BSN: variants seen among roughly 807,000 people sequenced by gnomAD.
BSN encodes bassoon presynaptic cytomatrix protein, also known as protein bassoon.
BSN carries 57 observed loss-of-function variants against 264.8 expected under a neutral mutation model. The ratio of observed to expected loss-of-function variants is 0.22; its 90% CI spans 0.17 to 0.27. The LOEUF is 0.27. Among genes scored for constraint, BSN ranks in the 10% least tolerant of loss-of-function variants. The pLI is 1.00. For synonymous variants in BSN, 2,059 were observed against 2,137.3 expected (o/e 0.96, Z 1.01); for missense variants, 4,615 against 5,232.5 (o/e 0.88, Z 3.64).
chr3:49,642,950 A>G lies in BSN; in HGVS notation c.1316A>G (p.Lys439Arg). 6.2e-7 allele frequency: 1 copy of G among 1,614,112 alleles called. No homozygotes were observed. Among genetic ancestry groups the G allele is most frequent in the African/African-American group, 1.3e-5 (1 of 75,052 alleles). Residue 439 changes from lysine (K) to arginine (R), a missense_variant, in exon 3 of 12, where the codon AAG (lysine) becomes AGG (arginine). Around this residue, in one of 3 missense-constraint regions of BSN, gnomAD observed 1,197 missense variants for 1,348.0 expected, o/e 0.89. Coordinates refer to ENST00000296452, the MANE Select transcript of BSN (RefSeq NM_003458.4). This position sits in a 1 kb window ranked among gnomAD's most constrained non-coding sequence, Gnocchi z 7.0. ...LPKTGGTTSPKHGRAEHQAAS... is the reference protein window; with the variant it reads ...LPKTGGTTSPRHGRAEHQAAS... Reference sequence around the variant, plus strand: ...AAAACTGGGGGAACAACCAGTCCAAAGCATGGCAGAGCAGAACATCAGGCA... The same window carrying G: ...AAAACTGGGGGAACAACCAGTCCAAGGCATGGCAGAGCAGAACATCAGGCA...
chr3:49,556,365 G>A (rs1452808384), intron 1 of BSN, among the ~76,000 whole-genome samples: 1 of 152,218 alleles, frequency 6.6e-6, no homozygotes, highest in Non-Finnish European at 1.5e-5. Flanking sequence ...GGACCGGAAG[G>A]AGGCTGATGT....
At chr3:49,629,272 C>T (rs888287766) in intron 2 of BSN, among the ~76,000 whole-genome samples, 1 of 152,248 alleles carries the variant, frequency 6.6e-6, no homozygotes, top group Non-Finnish European at 1.5e-5. Context: ...CCTGCTAGTC[C>T]ACCTTTCCGT....
At chr3:49,575,450 GTATA>G (rs1235983447) in intron 1 of BSN, among the ~76,000 whole-genome samples, 2 of 146,014 alleles carry the variant, frequency 1.4e-5, no homozygotes, top group Non-Finnish European at 3.0e-5. Flanking sequence ...ATATATGTGT[GTATA>G]TATGTAAATA....
intron 1 of BSN, among the ~76,000 whole-genome samples, chr3:49,608,120 G>GAA (rs1177192350): frequency 3.3e-5 from 5 of 152,338 alleles, no homozygotes; most frequent in South Asian, 2.1e-4. Context: ...TCCACAGGGA[G>GAA]AATCTAGAAA....
chr3:49,569,784 A>C (rs2051782461), intron 1 of BSN, among the ~76,000 whole-genome samples: 1 of 152,188 alleles, frequency 6.6e-6, no homozygotes, highest in African/African-American at 2.4e-5. Context: ...AAAGTCTCTC[A>C]CTATAGGAAA....
intron 1 of BSN, among the ~76,000 whole-genome samples, chr3:49,609,095 T>C (rs2052182792): frequency 6.8e-6 from 1 of 146,484 alleles, no homozygotes; most frequent in African/African-American, 2.5e-5. Flanking sequence ...TTGACTTTTT[T>C]TTTTTTTTTT....
intron 2 of BSN, among the ~76,000 whole-genome samples, chr3:49,630,153 C>T (rs558566435): frequency 6.6e-6 from 1 of 152,364 alleles, no homozygotes; most frequent in South Asian, 2.1e-4. Context: ...GTCTCATTCC[C>T]TCTACTCCCT....
Position 49,660,558 on chromosome 3 carries a change from G to A in BSN, c.8713G>A (p.Ala2905Thr). Residue 2905 changes from alanine to threonine, a missense_variant, in exon 6 of 12, where the codon GCT becomes ACT. This residue lies in a region of BSN where 3,415 missense variants were observed against 3,866.4 expected (regional missense o/e 0.88). Coordinates refer to ENST00000296452, the MANE Select transcript of BSN (RefSeq NM_003458.4). The surrounding 1 kb of genome is among the most constrained non-coding windows in gnomAD (Gnocchi z 7.1). ...ACTGCCCAGCCCCCCTCCAGAGGAG[G>A]CTCACCTTCCCCTGGCTGGCCAGGC... ...RTLPSPPPEE[A>T]HLPLAGQASP... 1 of 1,597,348 alleles carries A rather than the reference G, an allele frequency of 6.3e-7. No homozygotes were observed. The highest frequency in any genetic ancestry group is 8.5e-7 in the Non-Finnish European group (1 of 1,170,170).
At chr3:49,558,827 C>T (rs1031073965) in intron 1 of BSN, among the ~76,000 whole-genome samples, 2 of 152,154 alleles carry the variant, frequency 1.3e-5, no homozygotes, top group Admixed American at 1.3e-4. Context: ...TTTGATAATA[C>T]AGTTGCTCAC....
intron 1 of BSN, among the ~76,000 whole-genome samples, chr3:49,588,078 C>A (rs570001589): frequency 6.6e-6 from 1 of 151,954 alleles, no homozygotes; most frequent in East Asian, 1.9e-4. Flanking sequence ...CCTGCTACCA[C>A]GCCCGGCTAA....
rs2052468558 is a variant in BSN at position 49,642,130 on chromosome 3, C to G, written c.634-138C>G. The G allele has an allele frequency of 4.7e-6, 3 of 641,098 alleles. No homozygotes were observed. Among genetic ancestry groups the G allele is most frequent in the Non-Finnish European group, 7.2e-6 (3 of 417,050 alleles). The allele number at this position is 641,098 out of a possible 1,614,324, so 39.7% of individuals were successfully genotyped here. A position where few individuals can be genotyped will look rare whatever the true frequency, so the allele number is the denominator to read the frequency against. ...GTCCTTCAGCCCTGCCACCTGGCAGCCCAGAAATGCCTGAGCAGGGCTTGG... is the reference window on the plus strand; with the variant it reads ...GTCCTTCAGCCCTGCCACCTGGCAGGCCAGAAATGCCTGAGCAGGGCTTGG... On this transcript the variant is annotated intron_variant, in intron 2 of 11. Coordinates refer to ENST00000296452, the MANE Select transcript of BSN (RefSeq NM_003458.4). This position sits in a 1 kb window ranked among gnomAD's most constrained non-coding sequence, Gnocchi z 7.0.
At chr3:49,597,716 C>T (rs530306719) in intron 1 of BSN, among the ~76,000 whole-genome samples, 34 of 152,114 alleles carry the variant, frequency 2.2e-4, no homozygotes, top group Non-Finnish European at 2.8e-4. Context: ...AATCTCGGCT[C>T]GCTGCAAACT....
At chr3:49,575,793 A>C (rs751595720) in intron 1 of BSN, among the ~76,000 whole-genome samples, 17 of 151,504 alleles carry the variant, frequency 1.1e-4, no homozygotes, top group South Asian at 8.3e-4. Context: ...CCTTGGGTCA[A>C]CTTCCACTGC....
chr3:49,655,750 C>T lies in BSN; in HGVS notation c.6194C>T (p.Ser2065Leu), dbSNP rs201009128. 1.1e-5 allele frequency: 17 copies of T among 1,613,374 alleles called. No homozygotes were observed. Among genetic ancestry groups the T allele is most frequent in the South Asian group, 2.2e-5 (2 of 91,090 alleles). Reference protein sequence around the residue: ...PLPMRRYSSVSNIYSDHRYGP... With the variant: ...PLPMRRYSSVLNIYSDHRYGP... ...CCCATGCGGCGCTATAGCTCAGTGT[C>T]GAACATCTACTCAGACCACAGGTAC... The change falls in exon 5 of 12, where the codon TCG becomes TTG. Residue 2065 changes from serine (S) to leucine (L), a missense_variant. Around this residue, in one of 3 missense-constraint regions of BSN, gnomAD observed 3,415 missense variants for 3,866.4 expected, o/e 0.88. Coordinates refer to ENST00000296452, the MANE Select transcript of BSN (RefSeq NM_003458.4).
rs746941235 is a variant in BSN, at chr3:49,654,577, C to G, written c.5021C>G (p.Pro1674Arg). ...GTAGACCTCCGTACAGCTGTCAAGCCCACTCCCATCATCCTCACTGACCAG... is the reference window on the plus strand; with the variant it reads ...GTAGACCTCCGTACAGCTGTCAAGCGCACTCCCATCATCCTCACTGACCAG... The part of the protein sequence containing the change: ...AVVDLRTAVK[P>R]TPIILTDQGM... Residue 1674 changes from proline to arginine, a missense_variant, in exon 5 of 12, where the codon CCC becomes CGC. By Grantham distance (103) the Pro-to-Arg change is moderately radical (BLOSUM62 -2). This residue lies in a region of BSN where 3,415 missense variants were observed against 3,866.4 expected (regional missense o/e 0.88). Transcript: ENST00000296452. The surrounding 1 kb of genome is among the most constrained non-coding windows in gnomAD (Gnocchi z 4.1). 1.1e-5 allele frequency: 18 copies of G among 1,611,698 alleles called. No individual in the cohort carries two copies. The East Asian group carries it at 4.0e-4, about 36-fold the overall frequency.
intron 1 of BSN, among the ~76,000 whole-genome samples, chr3:49,614,916 A>G (rs939823599): frequency 1.3e-5 from 2 of 152,090 alleles, no homozygotes; most frequent in African/African-American, 4.8e-5. Flanking sequence ...CCCAAGGTTT[A>G]CTTTTGTGGC....
intron 1 of BSN, among the ~76,000 whole-genome samples, chr3:49,601,661 C>T (rs576538882): frequency 1.4e-4 from 22 of 152,128 alleles, no homozygotes; most frequent in Non-Finnish European, 2.6e-4. Context: ...TCCATGGTGT[C>T]GCTTTCAGAG....
chr3:49,597,015 A>T (rs901139769), intron 1 of BSN, among the ~76,000 whole-genome samples: 3 of 151,986 alleles, frequency 2.0e-5, no homozygotes, highest in African/African-American at 7.3e-5. Flanking sequence ...TGGATGTTAA[A>T]CTCTTGATTG....
rs1553662618 is a variant in BSN at position 49,610,598 on chromosome 3, A to AC, written c.225-14377_225-14376insC. Among the ~76,000 whole-genome samples the AC allele has an allele frequency of 6.9e-4, 104 of 151,688 alleles. 1 individual carries two copies. Among genetic ancestry groups the AC allele is most frequent in the African/African-American group, 2.4e-3 (101 of 41,422 alleles). On this transcript the variant is annotated intron_variant, in intron 1 of 11. Transcript: ENST00000296452. ...AAATTTCATCTCAAAAAAAAAAAAAAAAAAAAAACAAGTAGGCCTGATTTC... is the reference window on the plus strand; with the variant it reads ...AAATTTCATCTCAAAAAAAAAAAAAACAAAAAAAACAAGTAGGCCTGATTTC...
Sources: allele counts gnomAD v4.1 joint callset (sites outside exome capture counted in the v4.1 genomes callset), GRCh38; gene constraint gnomAD v4.1.1; regional missense constraint gnomAD v4.1.1; non-coding constraint Gnocchi (gnomAD v3.1); transcripts MANE v1.5; gene names NCBI Gene and HGNC (gene_info 2026-07-23, HGNC 2026-07-21).